The following PRIM2 variants were observed in gnomAD, a reference collection of about 807,000 sequenced individuals.
PRIM2 encodes DNA primase subunit 2.
In PRIM2, 39 loss-of-function variants were observed where a neutral mutation model predicts 67.3. The ratio of observed to expected loss-of-function variants is 0.58; its 90% confidence interval spans 0.45 to 0.76. The LOEUF (loss-of-function observed/expected upper bound fraction) is 0.76, where lower values mean the gene tolerates loss of function less well. Ranked by LOEUF, PRIM2 falls within the 30% of genes least tolerant of loss-of-function variation. The pLI, the probability that PRIM2 is intolerant of heterozygous loss-of-function variation, is 0.00. For missense variants in PRIM2, 398 were observed against 598.7 expected, an observed-to-expected ratio of 0.66 and a Z score of 3.50; for synonymous variants, 143 against 198.7, an observed-to-expected ratio of 0.72 and a Z score of 2.36.
chr6:57,628,514 A>AG (rs1480287530), intron 12 of PRIM2, among the ~76,000 whole-genome samples: 2 of 152,096 alleles, frequency 1.3e-5, no homozygotes, highest in South Asian at 4.2e-4. Flanking sequence ...TTTTAGATTC[A>AG]GGGGGGCACA....
chr6:57,303,531 G>T, the PRIM2 span, among the ~76,000 whole-genome samples: 1 of 152,120 alleles, frequency 6.6e-6, no homozygotes, highest in Non-Finnish European at 1.5e-5. Context: ...GACAGAATCA[G>T]AACAATACTT....
At chr6:57,615,158 C>G (rs1360912665) in intron 12 of PRIM2, among the ~76,000 whole-genome samples, 1 of 152,068 alleles carries the variant, frequency 6.6e-6, no homozygotes, top group Admixed American at 6.5e-5. Context: ...GTGGCTCATG[C>G]CTGAATCCCA....
At chr6:57,344,753 A>G (rs1768613074) in intron 5 of PRIM2, among the ~76,000 whole-genome samples, 2 of 152,216 alleles carry the variant, frequency 1.3e-5, no homozygotes, top group Non-Finnish European at 1.5e-5. Context: ...ATTTATGCAT[A>G]TAGTTGTAAA....
chr6:57,450,635 A>G (rs1370529648), intron 7 of PRIM2, among the ~76,000 whole-genome samples: 3 of 152,330 alleles, frequency 2.0e-5, no homozygotes, highest in East Asian at 1.9e-4. Context: ...GAATTACTAC[A>G]TTTGGCCCGT....
chr6:57,334,891 C>T (rs1420255715), intron 5 of PRIM2, among the ~76,000 whole-genome samples: 3 of 152,212 alleles, frequency 2.0e-5, no homozygotes, highest in African/African-American at 7.2e-5. Flanking sequence ...CTCCGGTCTA[C>T]AGCTCCCAGC....
intron 3 of PRIM2, among the ~76,000 whole-genome samples, chr6:57,323,966 T>A (rs1335182993): frequency 6.6e-6 from 1 of 151,858 alleles, no homozygotes; most frequent in Non-Finnish European, 1.5e-5. Flanking sequence ...TCGCTTGTAG[T>A]CCCAGCTGCT....
chr6:57,524,625 G>A lies in PRIM2; in HGVS notation c.762-7786G>A, dbSNP rs1554349197. On this transcript the variant is annotated intron_variant, in intron 8 of 13. Transcript: ENST00000615550. ...CTGAGGCAGGAGAATCACTTGAACC[G>A]GGGAGGCAGAGGTTGCGGTGAGCCG... is the stretch of plus-strand genomic sequence containing the variant. Among the ~76,000 whole-genome samples the A allele has an allele frequency of 3.2e-4, 49 of 152,004 alleles. 2 individuals carry two copies. The South Asian group carries it at 4.2e-3, about 13-fold the overall frequency.
intron 7 of PRIM2, among the ~76,000 whole-genome samples, chr6:57,454,116 C>T (rs1428870708): frequency 4.6e-5 from 7 of 152,150 alleles, no homozygotes; most frequent in African/African-American, 1.4e-4. Flanking sequence ...TTGAACCAGC[C>T]TTGCATCCCA....
chr6:57,288,417 G>A, the PRIM2 span, among the ~76,000 whole-genome samples: 113 of 152,300 alleles, frequency 7.4e-4, no homozygotes, highest in Non-Finnish European at 1.3e-3. Flanking sequence ...AAACATTCCG[G>A]TCTGACAGCT....
At chr6:57,337,211 A>G (rs1442765998) in intron 5 of PRIM2, among the ~76,000 whole-genome samples, 1 of 151,636 alleles carries the variant, frequency 6.6e-6, no homozygotes, top group African/African-American at 2.4e-5. Flanking sequence ...TTCATAAAGC[A>G]AGTCCTGAGT....
At chr6:57,606,157 TTA>T (rs1458359581) in intron 11 of PRIM2, among the ~76,000 whole-genome samples, 3 of 152,198 alleles carry the variant, frequency 2.0e-5, no homozygotes, top group African/African-American at 7.2e-5. Flanking sequence ...CTGCAATGTT[TTA>T]TGTAACTCTT....
chr6:57,293,271 C>T, the PRIM2 span, among the ~76,000 whole-genome samples: 1 of 152,188 alleles, frequency 6.6e-6, no homozygotes, highest in Admixed American at 6.5e-5. Context: ...AAATGCAAAT[C>T]AAAACCACAG....
the PRIM2 span, among the ~76,000 whole-genome samples, chr6:57,269,253 G>A: frequency 6.6e-6 from 1 of 151,864 alleles, no homozygotes; most frequent in Non-Finnish European, 1.5e-5. Flanking sequence ...CCCACCAACA[G>A]TGTAAAAGTG....
At chr6:57,288,098 C>T in the PRIM2 span, among the ~76,000 whole-genome samples, 1 of 152,162 alleles carries the variant, frequency 6.6e-6, no homozygotes, top group Admixed American at 6.5e-5. Flanking sequence ...ATGGTCTTCA[C>T]AACTGGCAGA....
chr6:57,343,939 C>T (rs776417433), intron 5 of PRIM2, among the ~76,000 whole-genome samples: 4 of 151,882 alleles, frequency 2.6e-5, no homozygotes, highest in Admixed American at 2.0e-4. Context: ...GTAAAGTGAC[C>T]TAGGGAATTT....
intron 10 of PRIM2, among the ~76,000 whole-genome samples, chr6:57,538,814 T>C (rs1448966404): frequency 2.0e-5 from 3 of 152,182 alleles, no homozygotes; most frequent in African/African-American, 4.8e-5. Context: ...TCTCTGTGCA[T>C]GTGCATCCCT....
chr6:57,456,287 T>C (rs1484983205), intron 7 of PRIM2, among the ~76,000 whole-genome samples: 1 of 152,138 alleles, frequency 6.6e-6, no homozygotes, highest in Non-Finnish European at 1.5e-5. Flanking sequence ...TCTCGAGGAG[T>C]ATCTTTGTGG....
chr6:57,352,995 A>G (rs565067586), intron 5 of PRIM2, among the ~76,000 whole-genome samples: 2 of 152,130 alleles, frequency 1.3e-5, no homozygotes, highest in African/African-American at 2.4e-5. Context: ...TTTTTTTTAC[A>G]TTTGTATTTT....
At chr6:57,415,340 A>G (rs1320421543) in intron 7 of PRIM2, among the ~76,000 whole-genome samples, 1 of 152,246 alleles carries the variant, frequency 6.6e-6, no homozygotes, top group African/African-American at 2.4e-5. Context: ...GAATATTGCA[A>G]TAAGGCATGC....
Sources: gnomAD v4.1 joint callset for allele counts (sites outside exome capture counted in the v4.1 genomes callset) on GRCh38, gnomAD v4.1.1 for gene constraint, MANE v1.5 for transcripts, NCBI Gene and HGNC (gene_info 2026-07-23, HGNC 2026-07-21) for gene names.